Variants in OCA2 observed in about 807,000 individuals in gnomAD.
OCA2 encodes P protein.
OCA2 carries 77 observed loss-of-function variants against 100.2 expected under a neutral mutation model. The ratio of observed to expected loss-of-function variants is 0.77; its 90% CI spans 0.64 to 0.93. OCA2 has a LOEUF of 0.93. Ranked by LOEUF, OCA2 falls within the 40% of genes least tolerant of loss-of-function variation. OCA2 has a pLI of 0.00. For synonymous variants in OCA2, 432 were observed against 439.2 expected (o/e 0.98, Z 0.21); for missense variants, 1,062 against 1,089.1 (o/e 0.98, Z 0.35).
chr15:27,987,445 T>C (rs776559200), intron 11 of OCA2, among the ~76,000 whole-genome samples: 22 of 151,762 alleles, frequency 1.4e-4, no homozygotes, highest in Non-Finnish European at 2.1e-4. Flanking sequence ...TGAGGCTGGG[T>C]GTGGTGGCTC....
At chr15:27,861,390 G>A (rs2036125460) in intron 21 of OCA2, among the ~76,000 whole-genome samples, 1 of 152,028 alleles carries the variant, frequency 6.6e-6, no homozygotes, top group Non-Finnish European at 1.5e-5. Context: ...GCTAGGCTCT[G>A]GGGAGCAGCC....
chr15:27,740,183 ATGT>A, the OCA2 span, among the ~76,000 whole-genome samples: 78 of 152,254 alleles, frequency 5.1e-4, no homozygotes, highest in African/African-American at 1.6e-3. Context: ...GCTTTCAGAA[ATGT>A]TGTTTAGAAT....
chr15:27,744,935 C>A, the OCA2 span, among the ~76,000 whole-genome samples: 73 of 120,564 alleles, frequency 6.1e-4, no homozygotes, highest in African/African-American at 1.8e-3. Context: ...CAGAGCAGAC[C>A]CTTTGTAGCA....
rs577478268 is a variant in OCA2, at chr15:27,791,432, A to G, written c.2433-35960T>C. On this transcript the variant is annotated intron_variant, in intron 23 of 23. Coordinates refer to ENST00000354638, the MANE Select transcript of OCA2 (RefSeq NM_000275.3). ...CCCAAAAGGCTATGATTCCATTTAC[A>G]TGAAATTCTGGTGAAGGCAAAGCTG... Among the ~76,000 whole-genome samples, 10 of 152,312 alleles carry G rather than the reference A, an allele frequency of 6.6e-5. 1 individual carries two copies. In the South Asian group the frequency reaches 2.1e-3, roughly 32 times the overall value.
Position 28,018,444 on chromosome 15 carries a change from GC to G in OCA2, c.759del (p.Glu253AspfsTer2). ...RPGREEHIVV[E>X]LTQADALGSR... is the part of the protein sequence containing the mutation. ...GAGCCCAAAGCGTCAGCCTGGGTCA[GC>G]TCCACCACGATGTGCTCTTCCCTCC... On this transcript the variant is annotated frameshift_variant, in exon 7 of 24. Coordinates refer to ENST00000354638, the MANE Select transcript of OCA2 (RefSeq NM_000275.3). LOFTEE classifies it high-confidence loss of function. 1 of 1,614,130 alleles carries G rather than the reference GC, an allele frequency of 6.2e-7. No individual in the cohort carries two copies. Among genetic ancestry groups the G allele is most frequent in the African/African-American group, 1.3e-5 (1 of 75,062 alleles).
intron 5 of OCA2, among the ~76,000 whole-genome samples, chr15:28,024,492 G>A (rs1297103940): frequency 1.3e-5 from 2 of 152,232 alleles, no homozygotes; most frequent in African/African-American, 4.8e-5. Flanking sequence ...ATCTCCAGAT[G>A]TGTTCCAACA....
At chr15:27,886,917 A>AC (rs2037245545) in intron 19 of OCA2, among the ~76,000 whole-genome samples, 1 of 152,130 alleles carries the variant, frequency 6.6e-6, no homozygotes, top group Admixed American at 6.5e-5. Flanking sequence ...CTGTGTCCCC[A>AC]CCCAAATCTC....
chr15:28,094,566 G>GA (rs113298353), intron 1 of OCA2, among the ~76,000 whole-genome samples: 298 of 150,268 alleles, frequency 2.0e-3, no homozygotes, highest in Non-Finnish European at 3.2e-3. Flanking sequence ...CTTATTTTTA[G>GA]AAAAAAAAAA....
chr15:27,838,013 T>C (rs1220243146), intron 23 of OCA2, among the ~76,000 whole-genome samples: 1 of 151,912 alleles, frequency 6.6e-6, no homozygotes, highest in Non-Finnish European at 1.5e-5. Flanking sequence ...CACAAGTACA[T>C]AGCCGAAAGC....
intron 9 of OCA2, among the ~76,000 whole-genome samples, chr15:28,003,381 GT>G (rs1377121077): frequency 6.6e-6 from 1 of 152,230 alleles, no homozygotes; most frequent in Non-Finnish European, 1.5e-5. Flanking sequence ...AACAGGTGCC[GT>G]CCCTACCCCT....
intron 23 of OCA2, among the ~76,000 whole-genome samples, chr15:27,819,367 G>A (rs1283453290): frequency 6.6e-6 from 1 of 152,194 alleles, no homozygotes; most frequent in East Asian, 1.9e-4. Context: ...CATGTCACAG[G>A]AGGCAGGGGA....
chr15:27,802,333 T>C (rs1200400520), intron 23 of OCA2, among the ~76,000 whole-genome samples: 1 of 152,182 alleles, frequency 6.6e-6, no homozygotes, highest in African/African-American at 2.4e-5. Flanking sequence ...ACCTTGTTCA[T>C]GGCAGGAAGA....
chr15:28,082,849 A>G (rs2044694218), intron 1 of OCA2, among the ~76,000 whole-genome samples: 1 of 152,184 alleles, frequency 6.6e-6, no homozygotes, highest in Non-Finnish European at 1.5e-5. Flanking sequence ...AATAATACCT[A>G]CAATAAAAGT....
chr15:28,014,668 C>T, intron 9 of OCA2, 108 bp downstream of exon 9: 2 of 1,190,808 alleles, frequency 1.7e-6, no homozygotes, highest in Non-Finnish European at 2.4e-6. Flanking sequence ...TGACACTAGT[C>T]CAGTTTGATT....
intron 23 of OCA2, among the ~76,000 whole-genome samples, chr15:27,827,988 A>G (rs1430397438): frequency 6.6e-6 from 1 of 152,190 alleles, no homozygotes; most frequent in Non-Finnish European, 1.5e-5. Flanking sequence ...CTATAATTAT[A>G]AATAGATTTT....
chr15:27,833,504 C>T (rs1476969130), intron 23 of OCA2, among the ~76,000 whole-genome samples: 1 of 152,230 alleles, frequency 6.6e-6, no homozygotes, highest in African/African-American at 2.4e-5. Context: ...TTTAGTCCTT[C>T]TAAGTCTTTG....
intron 2 of OCA2, among the ~76,000 whole-genome samples, chr15:28,057,709 C>T (rs1369233333): frequency 7.9e-5 from 12 of 152,256 alleles, no homozygotes; most frequent in Admixed American, 7.9e-4. Flanking sequence ...ACACTCCCTG[C>T]TCTCAGACAG....
chr15:27,936,491 C>T (rs2039456331), intron 18 of OCA2, among the ~76,000 whole-genome samples: 1 of 152,160 alleles, frequency 6.6e-6, no homozygotes, highest in Admixed American at 6.6e-5. Flanking sequence ...AAAGAAAGAC[C>T]ATTTTTTATA....
intron 19 of OCA2, among the ~76,000 whole-genome samples, chr15:27,872,640 G>A (rs945014244): frequency 2.0e-5 from 3 of 151,964 alleles, no homozygotes; most frequent in African/African-American, 7.3e-5. Context: ...CTGAAAGACT[G>A]CAAATATTGG....
Sources: allele counts gnomAD v4.1 joint callset (sites outside exome capture counted in the v4.1 genomes callset), GRCh38; gene constraint gnomAD v4.1.1; transcripts MANE v1.5; gene names NCBI Gene and HGNC (gene_info 2026-07-23, HGNC 2026-07-21).